OPCML: variants seen among roughly 807,000 people sequenced by gnomAD.
OPCML encodes the protein opioid binding protein/cell adhesion molecule like, also known as opioid-binding protein/cell adhesion molecule.
In OPCML, 13 loss-of-function variants were observed where a neutral mutation model predicts 37.8. The observed-to-expected ratio is 0.34, with a 90% CI of 0.22 to 0.55. OPCML has a LOEUF of 0.55. OPCML is among the 20% of genes least tolerant of loss of function. The pLI, the probability that OPCML is intolerant of heterozygous loss-of-function variation, is 0.91. For missense variants in OPCML, 341 were observed against 435.6 expected, an observed-to-expected ratio of 0.78 and a Z score of 1.93; for synonymous variants, 176 against 168.8, an observed-to-expected ratio of 1.04 and a Z score of -0.33.
intron 4 of OPCML, among the ~76,000 whole-genome samples, chr11:132,495,015 C>T (rs2096226885): frequency 6.8e-6 from 1 of 146,398 alleles, no homozygotes; most frequent in African/African-American, 2.5e-5. Context: ...TTGTGGATGA[C>T]TTTTTTTTTT....
Position 132,872,023 on chromosome 11 carries a change from A to G in OPCML, c.146+70903T>C, listed in dbSNP as rs771772255. On this transcript the variant is annotated intron_variant, in intron 2 of 7. Transcript: ENST00000524381. Reference sequence around the variant, plus strand: ...ACTTCCTGTCCCCTTTCAACACTTTACTTTTCCTGCCTAGCACTGTTTCCT... The same window carrying G: ...ACTTCCTGTCCCCTTTCAACACTTTGCTTTTCCTGCCTAGCACTGTTTCCT... Among the ~76,000 whole-genome samples, 187 of 152,112 alleles carry G rather than the reference A, an allele frequency of 1.2e-3. 8 individuals carry two copies. The highest frequency in any genetic ancestry group is 2.4e-4 in the Non-Finnish European group (16 of 68,022).
intron 1 of OPCML, among the ~76,000 whole-genome samples, chr11:133,345,053 A>G (rs920857989): frequency 1.3e-5 from 2 of 152,102 alleles, no homozygotes; most frequent in African/African-American, 2.4e-5. Context: ...ATCAATCCCG[A>G]CCATCACATT....
intron 1 of OPCML, among the ~76,000 whole-genome samples, chr11:133,514,542 C>G (rs1283715566): frequency 6.6e-6 from 1 of 152,326 alleles, no homozygotes; most frequent in East Asian, 1.9e-4. Context: ...CCAACGACCC[C>G]TTTAGGTTAG....
intron 1 of OPCML, among the ~76,000 whole-genome samples, chr11:133,082,410 C>T (rs1245549765): frequency 1.5e-5 from 2 of 129,182 alleles, no homozygotes; most frequent in Non-Finnish European, 3.4e-5. Context: ...CACCCCTCCT[C>T]TCCTCCCTAT....
At chr11:132,721,397 C>A (rs1030214869) in intron 2 of OPCML, among the ~76,000 whole-genome samples, 1 of 152,140 alleles carries the variant, frequency 6.6e-6, no homozygotes, top group Non-Finnish European at 1.5e-5. Flanking sequence ...ATGCTTGAAG[C>A]TCTGCGGAGG....
intron 1 of OPCML, among the ~76,000 whole-genome samples, chr11:133,288,480 G>A (rs1474273872): frequency 1.3e-5 from 2 of 152,218 alleles, no homozygotes; most frequent in African/African-American, 4.8e-5. Context: ...TAGAAAAAAA[G>A]TGGAGGCAGG....
intron 1 of OPCML, among the ~76,000 whole-genome samples, chr11:133,257,503 CATAG>C (rs1941351829): frequency 6.6e-6 from 1 of 152,172 alleles, no homozygotes; most frequent in Non-Finnish European, 1.5e-5. Context: ...CTGCTTCATC[CATAG>C]ATGCCTAGGC....
intron 1 of OPCML, among the ~76,000 whole-genome samples, chr11:133,481,082 A>G (rs1192544505): frequency 6.6e-6 from 1 of 152,260 alleles, no homozygotes; most frequent in Non-Finnish European, 1.5e-5. Flanking sequence ...TTAGATGAAT[A>G]GCTCACCAAT....
intron 1 of OPCML, among the ~76,000 whole-genome samples, chr11:133,258,662 G>T (rs1352803203): frequency 6.6e-6 from 1 of 152,112 alleles, no homozygotes; most frequent in African/African-American, 2.4e-5. Context: ...GGTCACTGGG[G>T]ACTGCTGACA....
At chr11:133,238,546 A>G (rs1344521474) in intron 1 of OPCML, among the ~76,000 whole-genome samples, 1 of 152,186 alleles carries the variant, frequency 6.6e-6, no homozygotes, top group African/African-American at 2.4e-5. Context: ...ACGTAAGTGT[A>G]TGCAGTGCTT....
chr11:132,770,214 C>A (rs1174131808), intron 2 of OPCML, among the ~76,000 whole-genome samples: 2 of 152,142 alleles, frequency 1.3e-5, no homozygotes, highest in South Asian at 2.1e-4. Context: ...GCTGGGGATA[C>A]CGCACTACCA....
intron 3 of OPCML, among the ~76,000 whole-genome samples, chr11:132,636,744 C>T (rs796424874): frequency 6.6e-6 from 1 of 152,044 alleles, no homozygotes; most frequent in Non-Finnish European, 1.5e-5. Flanking sequence ...GTGTAAAAAC[C>T]CTGCTCTGTT....
chr11:133,472,043 T>A (rs987710441), intron 1 of OPCML, among the ~76,000 whole-genome samples: 4 of 152,226 alleles, frequency 2.6e-5, no homozygotes, highest in African/African-American at 7.2e-5. Flanking sequence ...TTGGCTGACT[T>A]TTGGAGGAAA....
intron 2 of OPCML, among the ~76,000 whole-genome samples, chr11:132,703,804 G>T (rs1482713752): frequency 1.3e-5 from 2 of 152,198 alleles, no homozygotes; most frequent in East Asian, 3.9e-4. Context: ...TAAAGCCTGG[G>T]TCTTCAGGGG....
At chr11:132,715,056 G>A (rs1194256537) in intron 2 of OPCML, among the ~76,000 whole-genome samples, 1 of 152,144 alleles carries the variant, frequency 6.6e-6, no homozygotes, top group Admixed American at 6.5e-5. Context: ...GGCAAGGGAG[G>A]GCAGGCAGCT....
At chr11:132,493,017 T>A (rs2096220898) in intron 4 of OPCML, among the ~76,000 whole-genome samples, 1 of 152,198 alleles carries the variant, frequency 6.6e-6, no homozygotes, top group Non-Finnish European at 1.5e-5. Context: ...ATTGACACAT[T>A]CAACGTGATT....
At chr11:132,704,907 A>C (rs527931718) in intron 2 of OPCML, among the ~76,000 whole-genome samples, 52 of 152,370 alleles carry the variant, frequency 3.4e-4, no homozygotes, top group Middle Eastern at 3.4e-3. Context: ...TACAAAACAG[A>C]AGGTTAACAT....
chr11:133,094,794 T>A (rs2137059264), intron 1 of OPCML, among the ~76,000 whole-genome samples: 1 of 152,204 alleles, frequency 6.6e-6, no homozygotes, highest in South Asian at 2.1e-4. Flanking sequence ...TAGAAATGAG[T>A]TTGCAATAAC....
At chr11:132,621,298 T>C (rs1396309662) in intron 3 of OPCML, among the ~76,000 whole-genome samples, 1 of 152,204 alleles carries the variant, frequency 6.6e-6, no homozygotes, top group Admixed American at 6.5e-5. Context: ...ATTCAACTTC[T>C]AGGTATTTTC....
Sources: allele counts gnomAD v4.1 joint callset (sites outside exome capture counted in the v4.1 genomes callset), GRCh38; gene constraint gnomAD v4.1.1; transcripts MANE v1.5; gene names NCBI Gene and HGNC (gene_info 2026-07-23, HGNC 2026-07-21).